The following SPMIP2 variants were observed in gnomAD, a reference collection of about 807,000 sequenced individuals.
SPMIP2 encodes sperm microtubule inner protein 2, also known as protein SPMIP2.
At chr4:159,000,426 C>T in the SPMIP2 span, among the ~76,000 whole-genome samples, 47 of 152,050 alleles carry the variant, frequency 3.1e-4, no homozygotes, top group African/African-American at 1.1e-3. Flanking sequence ...TTTGCGGTTC[C>T]CAGAATTTGA....
the SPMIP2 span, among the ~76,000 whole-genome samples, chr4:159,028,767 T>G: frequency 6.6e-6 from 1 of 152,222 alleles, no homozygotes; most frequent in Non-Finnish European, 1.5e-5. Flanking sequence ...ATTTTGTTTA[T>G]AAGGTTTTTA....
At chr4:159,001,092 A>C in the SPMIP2 span, among the ~76,000 whole-genome samples, 1 of 152,214 alleles carries the variant, frequency 6.6e-6, no homozygotes, top group Non-Finnish European at 1.5e-5. Context: ...CTTCAACAGT[A>C]GTTGTGTCAT....
At chr4:158,980,248 T>A in the SPMIP2 span, among the ~76,000 whole-genome samples, 3 of 152,164 alleles carry the variant, frequency 2.0e-5, no homozygotes, top group Non-Finnish European at 4.4e-5. Context: ...GGACAGAGCA[T>A]ATGGGGGAAG....
At chr4:158,911,542 T>G in the SPMIP2 span, among the ~76,000 whole-genome samples, 3 of 146,872 alleles carry the variant, frequency 2.0e-5, no homozygotes, top group Non-Finnish European at 4.5e-5. Context: ...CTGTCTGTTC[T>G]TCCTAGAATA....
chr4:158,976,491 A>T, the SPMIP2 span, among the ~76,000 whole-genome samples: 1 of 151,994 alleles, frequency 6.6e-6, no homozygotes, highest in Non-Finnish European at 1.5e-5. Context: ...TGGTTTTAGC[A>T]TGAAGGGGGG....
chr4:159,041,759 C>A, the SPMIP2 span, among the ~76,000 whole-genome samples: 1 of 152,234 alleles, frequency 6.6e-6, no homozygotes, highest in African/African-American at 2.4e-5. Context: ...GCCTTTTTCA[C>A]TGATCAATGA....
the SPMIP2 span, among the ~76,000 whole-genome samples, chr4:159,069,742 T>C: frequency 2.6e-5 from 4 of 152,154 alleles, no homozygotes; most frequent in East Asian, 1.9e-4. Context: ...TTGTACATGA[T>C]ACATATTTTT....
At chr4:159,064,539 A>G in the SPMIP2 span, 1 of 147,828 alleles carries the variant, frequency 6.8e-6, no homozygotes, top group African/African-American at 2.5e-5. Context: ...GATGATTCGT[A>G]TTTTTCCTCT....
chr4:158,982,195 C>T, the SPMIP2 span, among the ~76,000 whole-genome samples: 1 of 152,144 alleles, frequency 6.6e-6, no homozygotes, highest in Non-Finnish European at 1.5e-5. Context: ...TATATGCACT[C>T]AATACAGGAG....
the SPMIP2 span, among the ~76,000 whole-genome samples, chr4:158,974,008 A>G: frequency 6.9e-6 from 1 of 145,194 alleles, no homozygotes; most frequent in South Asian, 2.2e-4. Flanking sequence ...AAAAAAAAAG[A>G]CATGATATAT....
At chr4:159,017,356 T>TACACATACACACAC in the SPMIP2 span, among the ~76,000 whole-genome samples, 7 of 149,318 alleles carry the variant, frequency 4.7e-5, no homozygotes, top group Non-Finnish European at 7.4e-5. Flanking sequence ...CACAAACACA[T>TACACATACACACAC]ACACACACAC....
chr4:158,902,995 G>A, the SPMIP2 span, among the ~76,000 whole-genome samples: 130 of 152,248 alleles, frequency 8.5e-4, 1 homozygote, highest in African/African-American at 2.8e-3. Flanking sequence ...GGAGTGAACC[G>A]TTCTGTCTCG....
At chr4:159,007,651 C>A in the SPMIP2 span, 1 of 794,462 alleles carries the variant, frequency 1.3e-6, no homozygotes. Flanking sequence ...GCCAAGGCCT[C>A]CAAGGAGACT....
the SPMIP2 span, among the ~76,000 whole-genome samples, chr4:158,956,905 C>T: frequency 2.6e-5 from 4 of 152,204 alleles, no homozygotes; most frequent in Admixed American, 1.3e-4. Context: ...AAAATGAAAT[C>T]GTCTCCTGGC....
the SPMIP2 span, among the ~76,000 whole-genome samples, chr4:158,992,096 C>T: frequency 1.1e-4 from 16 of 152,250 alleles, no homozygotes; most frequent in South Asian, 3.3e-3. Context: ...TCTTATTGCC[C>T]AGGCTGGTCT....
the SPMIP2 span, among the ~76,000 whole-genome samples, chr4:159,080,344 G>T: frequency 6.6e-6 from 1 of 151,992 alleles, no homozygotes; most frequent in African/African-American, 2.4e-5. Context: ...CACCTCCCAA[G>T]TAACCAGGAC....
At chr4:159,047,892 C>T in the SPMIP2 span, among the ~76,000 whole-genome samples, 1 of 152,146 alleles carries the variant, frequency 6.6e-6, no homozygotes, top group Non-Finnish European at 1.5e-5. Context: ...AATAAGAAGA[C>T]GGGGTTTCAA....
At chr4:159,042,574 C>A in the SPMIP2 span, among the ~76,000 whole-genome samples, 1 of 152,184 alleles carries the variant, frequency 6.6e-6, no homozygotes, top group Non-Finnish European at 1.5e-5. Flanking sequence ...TGGGCCCCCA[C>A]AAAACAACAC....
chr4:158,979,966 T>C, the SPMIP2 span, among the ~76,000 whole-genome samples: 1 of 152,118 alleles, frequency 6.6e-6, no homozygotes, highest in African/African-American at 2.4e-5. Flanking sequence ...AAATTCTTGC[T>C]GTCGGCACGG....
Sources: gnomAD v4.1 joint callset for allele counts (sites outside exome capture counted in the v4.1 genomes callset) on GRCh38, gnomAD v4.1.1 for gene constraint, MANE v1.5 for transcripts, NCBI Gene and HGNC (gene_info 2026-07-23, HGNC 2026-07-21) for gene names.